The following HTR4 variants were observed in gnomAD, a reference collection of about 807,000 sequenced individuals.
The protein encoded by HTR4 is 5-hydroxytryptamine receptor 4.
A neutral mutation model predicts 36.8 loss-of-function variants in HTR4; 16 were observed. The observed-to-expected ratio is 0.43, with a 90% CI of 0.29 to 0.66. The LOEUF is 0.66. HTR4 is among the 30% of genes least tolerant of loss of function. The pLI, the probability that HTR4 is intolerant of heterozygous loss-of-function variation, is 0.13. For missense variants in HTR4, 438 were observed against 490.9 expected (o/e 0.89, Z 1.02); for synonymous variants, 189 against 185.1 (o/e 1.02, Z -0.17).
intron 2 of HTR4, among the ~76,000 whole-genome samples, chr5:148,556,557 G>A (rs12332417): frequency 0.19 from 28,268 of 152,136 alleles, 3,727 homozygotes; most frequent in African/African-American, 0.37. Context: ...ACCTCATGGG[G>A]TTCATAGTAT....
intron 5 of HTR4, among the ~76,000 whole-genome samples, chr5:148,458,058 T>TAAA (rs57867998): frequency 4.6e-5 from 6 of 131,862 alleles, no homozygotes; most frequent in South Asian, 2.3e-4. Context: ...TATATTATAT[T>TAAA]TTAAGATCTA....
chr5:148,644,759 T>C (rs1170208133), intron 1 of HTR4: 1 of 152,122 alleles, frequency 6.6e-6, no homozygotes, highest in Non-Finnish European at 1.5e-5. Flanking sequence ...ACAGTGGAAC[T>C]TGGATTCTCA....
intron 4 of HTR4, among the ~76,000 whole-genome samples, chr5:148,537,600 TA>T (rs1758888094): frequency 1.3e-5 from 2 of 152,014 alleles, no homozygotes; most frequent in Admixed American, 6.6e-5. Flanking sequence ...GAAACTACTA[TA>T]AAGACCTCTA....
chr5:148,461,198 G>C (rs1257349225), intron 5 of HTR4, among the ~76,000 whole-genome samples: 1 of 151,880 alleles, frequency 6.6e-6, no homozygotes, highest in Admixed American at 6.6e-5. Context: ...GGTAGAAAAA[G>C]GGTAGAAGGC....
intron 1 of HTR4, among the ~76,000 whole-genome samples, chr5:148,646,780 A>T (rs897600274): frequency 6.6e-6 from 1 of 152,188 alleles, no homozygotes; most frequent in African/African-American, 2.4e-5. Flanking sequence ...ACATCACGCT[A>T]TCAGGAGGTT....
At chr5:148,541,995 A>G (rs1035516350) in intron 4 of HTR4, among the ~76,000 whole-genome samples, 2 of 151,892 alleles carry the variant, frequency 1.3e-5, no homozygotes, top group African/African-American at 4.8e-5. Flanking sequence ...TTCAATGGTC[A>G]CCAATTTTAC....
chr5:148,584,467 A>T (rs921412830), intron 2 of HTR4, among the ~76,000 whole-genome samples: 1 of 152,168 alleles, frequency 6.6e-6, no homozygotes, highest in Non-Finnish European at 1.5e-5. Flanking sequence ...ATATAAAAAA[A>T]CTCAAAGGAG....
At chr5:148,533,077 A>G (rs1403453008) in intron 4 of HTR4, among the ~76,000 whole-genome samples, 2 of 152,202 alleles carry the variant, frequency 1.3e-5, no homozygotes, top group African/African-American at 4.8e-5. Flanking sequence ...ATTAAAACGA[A>G]GTCAAGAGAA....
At chr5:148,533,569 C>T (rs1301143553) in intron 4 of HTR4, among the ~76,000 whole-genome samples, 1 of 152,196 alleles carries the variant, frequency 6.6e-6, no homozygotes, top group Non-Finnish European at 1.5e-5. Context: ...TTCCTGCCCT[C>T]CCAACCACAG....
chr5:148,524,747 C>T (rs1455538000), intron 4 of HTR4, among the ~76,000 whole-genome samples: 1 of 152,206 alleles, frequency 6.6e-6, no homozygotes, highest in Non-Finnish European at 1.5e-5. Flanking sequence ...ATGAACCACC[C>T]TCATACACCC....
intron 6 of HTR4, among the ~76,000 whole-genome samples, chr5:148,502,749 A>T (rs1188039017): frequency 1.3e-5 from 2 of 152,254 alleles, no homozygotes; most frequent in Admixed American, 1.3e-4. Context: ...CCTTGCAGAA[A>T]GATTAGACCA....
chr5:148,615,741 A>ATAAAATAAAATAAAG (rs1561652147), intron 2 of HTR4, among the ~76,000 whole-genome samples: 141 of 151,964 alleles, frequency 9.3e-4, no homozygotes, highest in African/African-American at 3.2e-3. Flanking sequence ...ATAAAATAAA[A>ATAAAATAAAATAAAG]TAAAGCTCCT....
At chr5:148,489,417 G>A (rs771575458) in intron 6 of HTR4, among the ~76,000 whole-genome samples, 11 of 152,154 alleles carry the variant, frequency 7.2e-5, no homozygotes, top group Non-Finnish European at 1.6e-4. Flanking sequence ...CAGTGCTCTT[G>A]AGAAGCTGCC....
chr5:148,535,725 G>A (rs1758783021), intron 4 of HTR4, among the ~76,000 whole-genome samples: 1 of 152,116 alleles, frequency 6.6e-6, no homozygotes. Context: ...CCTCTGAGAA[G>A]TATAGGATTA....
At chr5:148,528,602 G>T (rs925421941) in intron 4 of HTR4, among the ~76,000 whole-genome samples, 1 of 152,076 alleles carries the variant, frequency 6.6e-6, no homozygotes, top group African/African-American at 2.4e-5. Context: ...TTAACCGATG[G>T]TGCTTCCTTA....
At chr5:148,637,417 T>C (rs1753583481) in intron 1 of HTR4, among the ~76,000 whole-genome samples, 1 of 151,792 alleles carries the variant, frequency 6.6e-6, no homozygotes, top group South Asian at 2.1e-4. Flanking sequence ...CTTAAAATAG[T>C]ATATTGCCCA....
At chr5:148,539,983 A>C (rs1019879137) in intron 4 of HTR4, among the ~76,000 whole-genome samples, 2 of 152,150 alleles carry the variant, frequency 1.3e-5, no homozygotes, top group Non-Finnish European at 2.9e-5. Flanking sequence ...ATGCCCATGA[A>C]TGACCGATTA....
chr5:148,517,599 C>T (rs1329261620), intron 5 of HTR4, among the ~76,000 whole-genome samples: 1 of 149,928 alleles, frequency 6.7e-6, no homozygotes, highest in Non-Finnish European at 1.5e-5. Context: ...TCATGTTTGG[C>T]TTAGGTTTTC....
intron 5 of HTR4, among the ~76,000 whole-genome samples, chr5:148,512,241 C>A (rs1008336094): frequency 6.6e-6 from 1 of 152,176 alleles, no homozygotes; most frequent in Admixed American, 6.5e-5. Flanking sequence ...TATGTCCTGG[C>A]TATTTCATTG....
Sources: allele counts gnomAD v4.1 joint callset (sites outside exome capture counted in the v4.1 genomes callset), GRCh38; gene constraint gnomAD v4.1.1; transcripts MANE v1.5; gene names NCBI Gene and HGNC (gene_info 2026-07-23, HGNC 2026-07-21).